Variants in LRP3 observed in about 807,000 individuals in gnomAD.
The protein encoded by LRP3 is low-density lipoprotein receptor-related protein 3.
In LRP3, 49 loss-of-function variants were observed where a neutral mutation model predicts 58.5. The observed-to-expected ratio is 0.84, with a 90% CI of 0.67 to 1.06. The LOEUF is 1.06. Among genes scored for constraint, LRP3 ranks in the 50% least tolerant of loss-of-function variants. The pLI is 0.00. For synonymous variants in LRP3, 485 were observed against 492.2 expected (o/e 0.99, Z 0.20); for missense variants, 1,019 against 1,134.2 (o/e 0.90, Z 1.46).
chr19:33,202,425 C>T (rs182975439), intron 2 of LRP3, among the ~76,000 whole-genome samples: 3 of 152,340 alleles, frequency 2.0e-5, no homozygotes, highest in African/African-American at 7.2e-5. Flanking sequence ...AGCAAAGCCT[C>T]AGGGAAGGCA....
intron 2 of LRP3, among the ~76,000 whole-genome samples, chr19:33,202,365 A>G (rs925691930): frequency 1.3e-5 from 2 of 152,200 alleles, no homozygotes; most frequent in African/African-American, 4.8e-5. Context: ...CAGTGTGCCT[A>G]CCATGCATGC....
Position 33,202,992 on chromosome 19 carries a change from G to A in LRP3, c.260+6G>A. 6.2e-7 allele frequency: 1 copy of A among 1,612,228 alleles called. No homozygotes were observed. Among genetic ancestry groups the A allele is most frequent in the Middle Eastern group, 1.7e-4 (1 of 6,058 alleles). On this transcript the variant is annotated splice_donor_region_variant and intron_variant, in intron 3 of 6. Coordinates refer to ENST00000253193, the MANE Select transcript of LRP3 (RefSeq NM_002333.4). The stretch of plus-strand genomic sequence containing the variant: ...GGTGACATGATTACCATCAGGTAGG[G>A]GCACCCGGGGGTGTCGGAAGGAATC...
Position 33,205,212 on chromosome 19 carries a change from C to T in LRP3, c.476-34C>T, listed in dbSNP as rs571215295. The T allele has an allele frequency of 1.9e-6, 3 of 1,590,704 alleles. No individual in the cohort carries two copies. In the East Asian group the frequency reaches 6.9e-5, roughly 37 times the overall value. ...TGGCCGAAGGGAGGCTCTTCTGTCTCCTGACTGTCCCCTGCTACGTCTCCA... is the reference window on the plus strand; with the variant it reads ...TGGCCGAAGGGAGGCTCTTCTGTCTTCTGACTGTCCCCTGCTACGTCTCCA... On this transcript the variant is annotated intron_variant, in intron 4 of 6. Coordinates refer to ENST00000253193, the MANE Select transcript of LRP3 (RefSeq NM_002333.4).
chr19:33,197,439 A>C lies in LRP3; in HGVS notation c.121+662A>C, dbSNP rs1342377272. ...CTGGAGTTTGAGACCAGCCTGAGCA[A>C]CATAGTGAAACTCCATCTCTACAAA... On this transcript the variant is annotated intron_variant, in intron 2 of 6. Transcript: ENST00000253193. Among the ~76,000 whole-genome samples the C allele has an allele frequency of 2.0e-5, 3 of 152,196 alleles. No homozygotes were observed. The East Asian group carries it at 5.8e-4, about 29-fold the overall frequency.
Position 33,194,754 on chromosome 19 carries a change from G to C in LRP3, c.-32G>C. ...GAACCGGAGCCGGAGCCGCGGGGCA[G>C]GAGGCGGCGCCCGCGGGCGGCCGGG... On this transcript the variant is annotated 5_prime_UTR_variant, in exon 1 of 7. Transcript: ENST00000253193. 8.3e-6 allele frequency: 7 copies of C among 844,414 alleles called. No individual in the cohort carries two copies. Among genetic ancestry groups the C allele is most frequent in the Non-Finnish European group, 9.9e-6 (7 of 706,606 alleles). 52.3% of individuals were successfully genotyped at this position (844,414 alleles called of 1,614,324 possible). A position where few individuals can be genotyped will look rare whatever the true frequency, so the allele number is the denominator to read the frequency against.
intron 2 of LRP3, among the ~76,000 whole-genome samples, chr19:33,197,622 G>A (rs1221397117): frequency 6.6e-6 from 1 of 152,146 alleles, no homozygotes. Context: ...GCGAGACCCT[G>A]TCTGTAAAAC....
At chr19:33,206,962 C>A (rs531626771) in intron 6 of LRP3, 26 bp from the exon 7 acceptor site, 16 of 1,433,154 alleles carry the variant, frequency 1.1e-5, no homozygotes, top group Non-Finnish European at 1.5e-5. Flanking sequence ...CGCATCCCCC[C>A]GCCCCTACCC....
intron 1 of LRP3, among the ~76,000 whole-genome samples, chr19:33,196,394 A>G (rs1257617235): frequency 1.3e-5 from 2 of 151,748 alleles, no homozygotes; most frequent in Non-Finnish European, 2.9e-5. Flanking sequence ...CTCTACAAAA[A>G]TAAAAAATAA....
rs1307259498 is a variant in LRP3, at chr19:33,206,582, C to T, written c.1593-19C>T. On this transcript the variant is annotated intron_variant, in intron 5 of 6. Transcript: ENST00000253193. Reference sequence around the variant, plus strand: ...TCCCGGGCAGCCCAGTCATGTCGCCCTCCGCCCACTGCTTCTAGGGCCTTC... The same window carrying T: ...TCCCGGGCAGCCCAGTCATGTCGCCTTCCGCCCACTGCTTCTAGGGCCTTC... 1.9e-6 allele frequency: 3 copies of T among 1,604,540 alleles called. No individual in the cohort carries two copies. Among genetic ancestry groups the T allele is most frequent in the Admixed American group, 1.7e-5 (1 of 58,572 alleles).
intron 1 of LRP3, 82 bp downstream of exon 1, chr19:33,194,940 C>A: frequency 1.5e-6 from 1 of 672,950 alleles, no homozygotes; most frequent in East Asian, 6.0e-5. Flanking sequence ...TCCTCTCCGG[C>A]CGCGGCATCC....
At chr19:33,205,182 C>A in intron 4 of LRP3, 64 bp from the exon 5 acceptor site, 1 of 1,535,866 alleles carries the variant, frequency 6.5e-7, no homozygotes, top group Non-Finnish European at 8.8e-7. Context: ...TGGCCCCAGG[C>A]CCCCTGGCCG....
chr19:33,205,191 C>G lies in LRP3; in HGVS notation c.476-55C>G, dbSNP rs763225643. 8 of 1,561,236 alleles carry G rather than the reference C, an allele frequency of 5.1e-6. No homozygotes were observed. The African/African-American group carries it at 6.8e-5, about 13-fold the overall frequency. On this transcript the variant is annotated intron_variant, in intron 4 of 6. Transcript: ENST00000253193. Reference sequence around the variant, plus strand: ...CGCTTTTGGCCCCAGGCCCCCTGGCCGAAGGGAGGCTCTTCTGTCTCCTGA... The same window carrying G: ...CGCTTTTGGCCCCAGGCCCCCTGGCGGAAGGGAGGCTCTTCTGTCTCCTGA...
At position 33,194,741 on chromosome 19, in the gene LRP3, GA is replaced by G; in HGVS notation, c.-44del. On this transcript the variant is annotated 5_prime_UTR_variant, in exon 1 of 7. Transcript: ENST00000253193. ...GGAGCCGCAGCCGGAACCGGAGCCGGAGCCGCGGGGCAGGAGGCGGCGCCCG... is the reference window on the plus strand; with the variant it reads ...GGAGCCGCAGCCGGAACCGGAGCCGGGCCGCGGGGCAGGAGGCGGCGCCCG... The G allele has an allele frequency of 1.4e-6, 1 of 737,968 alleles. No homozygotes were observed. The highest frequency in any genetic ancestry group is 5.9e-5 in the South Asian group (1 of 17,068). 45.7% of individuals were successfully genotyped at this position (737,968 alleles called of 1,614,324 possible). A position where few individuals can be genotyped will look rare whatever the true frequency, so the allele number is the denominator to read the frequency against.
intron 2 of LRP3, among the ~76,000 whole-genome samples, chr19:33,197,987 C>T (rs2145448582): frequency 6.6e-6 from 1 of 152,316 alleles, no homozygotes; most frequent in African/African-American, 2.4e-5. Flanking sequence ...CCAGCCCTGT[C>T]TGCTGTCCTG....
chr19:33,207,461 C>T lies in LRP3; in HGVS notation c.2199C>T (p.Ala733=), dbSNP rs1220024254. ...AQDPHPQVST[A]SSTLGPHSPE... ...ACCCGCACCCCCAGGTCTCCACTGC[C>T]AGCAGCACCCTGGGCCCCCACTCGC... The change falls in exon 7 of 7, where the codon GCC becomes GCT. Residue 733 remains alanine, a synonymous_variant. Transcript: ENST00000253193. 4 of 1,599,534 alleles carry T rather than the reference C, an allele frequency of 2.5e-6. No homozygotes were observed. The highest frequency in any genetic ancestry group is 3.4e-6 in the Non-Finnish European group (4 of 1,176,856).
intron 3 of LRP3, among the ~76,000 whole-genome samples, chr19:33,203,578 C>T (rs914449146): frequency 2.0e-5 from 3 of 152,240 alleles, no homozygotes; most frequent in Non-Finnish European, 2.9e-5. Context: ...TGCTCTGGGT[C>T]TCCACGGGCC....
intron 3 of LRP3, among the ~76,000 whole-genome samples, chr19:33,203,476 T>C (rs898620921): frequency 1.3e-5 from 2 of 152,238 alleles, no homozygotes; most frequent in East Asian, 1.9e-4. Context: ...AGAGCGTGTA[T>C]GTGCGCATGC....
At chr19:33,196,645 G>A (rs1974288441) in intron 1 of LRP3, 85 bp from the exon 2 acceptor site, 4 of 1,282,596 alleles carry the variant, frequency 3.1e-6, no homozygotes, top group East Asian at 4.6e-5. Flanking sequence ...CCAGCCTTGG[G>A]TTTAGCTGTG....
In LRP3 at chr19:33,207,361, G is replaced by GA. The variant is rs772417993; in HGVS notation, c.2102dup (p.Val702GlyfsTer63). ...GAGTGCAGGCCCGTGGACAAGGACAGAAAGGTCTGCAGGGAGCCACTGGTA... is the reference window on the plus strand; with the variant it reads ...GAGTGCAGGCCCGTGGACAAGGACAGAAAAGGTCTGCAGGGAGCCACTGGTA... On this transcript the variant is annotated frameshift_variant, in exon 7 of 7. Transcript: ENST00000253193. LOFTEE classifies it high-confidence loss of function. The GA allele has an allele frequency of 9.5e-6, 15 of 1,586,722 alleles. No homozygotes were observed. The East Asian group carries it at 3.2e-4, about 34-fold the overall frequency.
Sources: gnomAD v4.1 joint callset for allele counts (sites outside exome capture counted in the v4.1 genomes callset) on GRCh38, gnomAD v4.1.1 for gene constraint, MANE v1.5 for transcripts, NCBI Gene and HGNC (gene_info 2026-07-23, HGNC 2026-07-21) for gene names.